The following WRAP53 variants were observed in gnomAD, a reference collection of about 807,000 sequenced individuals.
The protein encoded by WRAP53 is WD repeat containing antisense to TP53, also known as telomerase Cajal body protein 1.
Under a neutral mutation model 56.6 loss-of-function variants are expected in WRAP53, and 28 were observed. That is an observed-to-expected ratio of 0.50 (90% CI 0.37 to 0.68). The LOEUF is 0.68. Among genes scored for constraint, WRAP53 ranks in the 30% least tolerant of loss-of-function variants. The pLI, the probability that WRAP53 is intolerant of heterozygous loss-of-function variation, is 0.00. For synonymous variants in WRAP53, 283 were observed against 283.4 expected, an observed-to-expected ratio of 1.00 and a Z score of 0.01; for missense variants, 671 against 715.5, an observed-to-expected ratio of 0.94 and a Z score of 0.71.
intron 4 of WRAP53, among the ~76,000 whole-genome samples, chr17:7,695,095 C>G (rs1458559735): frequency 9.2e-5 from 14 of 151,876 alleles, no homozygotes; most frequent in Admixed American, 4.6e-4. Flanking sequence ...TGGGACTACA[C>G]GCACCCACTG....
chr17:7,688,934 C>A lies in WRAP53; in HGVS notation c.286C>A (p.Gln96Lys). ...PSELSPRIEE[Q>K]ELSENTSLPA... ...TGAGTTGAGTCCTCGAATCGAGGAGCAAGAACTTTCTGAAAATACAAGCCT... is the reference window on the plus strand; with the variant it reads ...TGAGTTGAGTCCTCGAATCGAGGAGAAAGAACTTTCTGAAAATACAAGCCT... The change falls in exon 2 of 11, where the codon CAA (glutamine) becomes AAA (lysine). Residue 96 changes from glutamine to lysine, a missense_variant. Transcript: ENST00000396463. 1 of 1,614,124 alleles carries A rather than the reference C, an allele frequency of 6.2e-7. No homozygotes were observed. Among genetic ancestry groups the A allele is most frequent in the Non-Finnish European group, 8.5e-7 (1 of 1,180,040 alleles).
In WRAP53 at chr17:7,697,870, C is replaced by CT. The variant is rs35262309; in HGVS notation, c.643-2857dup. ...CCAAGAAGATAAAGAACAATAGACA[C>CT]TTTTTTTTTTTTTTGGAGACAGGAT... On this transcript the variant is annotated intron_variant, in intron 4 of 10. Transcript: ENST00000396463. 9.1e-3 allele frequency among the ~76,000 whole-genome samples: 1,313 copies of CT among 143,728 alleles called. 11 individuals carry two copies. Among genetic ancestry groups the CT allele is most frequent in the African/African-American group, 0.014 (567 of 39,138 alleles). The allele number at this position is 143,728 out of a possible 152,430, so 94.3% of individuals were successfully genotyped here.
At chr17:7,700,205 C>T (rs1223617665) in intron 4 of WRAP53, among the ~76,000 whole-genome samples, 5 of 151,980 alleles carry the variant, frequency 3.3e-5, no homozygotes, top group African/African-American at 9.7e-5. Flanking sequence ...TCCACCACCA[C>T]GCCTGGCAAA....
In WRAP53 at chr17:7,702,959, G is replaced by A; in HGVS notation, c.1269-34G>A. 6.2e-7 allele frequency: 1 copy of A among 1,613,164 alleles called. No individual in the cohort carries two copies. Among genetic ancestry groups the A allele is most frequent in the Non-Finnish European group, 8.5e-7 (1 of 1,180,012 alleles). ...GAGGGGTTCCTGCCCCAGGGGTGAG[G>A]CCTCTGCCAGCAAATCTCTCCTCTC... is the stretch of plus-strand genomic sequence containing the variant. On this transcript the variant is annotated intron_variant, in intron 9 of 10. Coordinates refer to ENST00000396463, the MANE Select transcript of WRAP53 (RefSeq NM_001143992.2). The surrounding 1 kb of genome is among the most constrained non-coding windows in gnomAD (Gnocchi z 5.0).
At chr17:7,695,590 C>T (rs1378008928) in intron 4 of WRAP53, among the ~76,000 whole-genome samples, 3 of 152,132 alleles carry the variant, frequency 2.0e-5, no homozygotes, top group East Asian at 1.9e-4. Flanking sequence ...ATTGCTCTTT[C>T]GTCTTTGTGA....
intron 4 of WRAP53, among the ~76,000 whole-genome samples, chr17:7,694,689 C>T (rs2074159128): frequency 1.3e-5 from 2 of 151,982 alleles, no homozygotes; most frequent in African/African-American, 4.8e-5. Flanking sequence ...CTGTCTCTAT[C>T]AAAAAAGTTG....
At chr17:7,692,586 A>G (rs1229991175) in intron 4 of WRAP53, among the ~76,000 whole-genome samples, 1 of 138,546 alleles carries the variant, frequency 7.2e-6, no homozygotes, top group African/African-American at 2.7e-5. Context: ...GCACCACTGC[A>G]CTCCAGTCCA....
chr17:7,691,676 C>T (rs931879185), intron 4 of WRAP53, among the ~76,000 whole-genome samples: 5 of 152,034 alleles, frequency 3.3e-5, no homozygotes, highest in Non-Finnish European at 4.4e-5. Flanking sequence ...AGGCATGAGC[C>T]ACCGCGCCTG....
intron 4 of WRAP53, among the ~76,000 whole-genome samples, chr17:7,692,297 T>C (rs1008256065): frequency 4.0e-5 from 6 of 151,668 alleles, no homozygotes; most frequent in African/African-American, 1.5e-4. Flanking sequence ...CTGGCCAACA[T>C]GGTAAAACCC....
At position 7,702,321 on chromosome 17, in the gene WRAP53, C is replaced by A. The variant is rs376918892; in HGVS notation, c.956-23C>A. 2 of 1,613,880 alleles carry A rather than the reference C, an allele frequency of 1.2e-6. No individual in the cohort carries two copies. The highest frequency in any genetic ancestry group is 8.5e-7 in the Non-Finnish European group (1 of 1,179,788). On this transcript the variant is annotated intron_variant, in intron 7 of 10. Transcript: ENST00000396463. The surrounding 1 kb of genome is among the most constrained non-coding windows in gnomAD (Gnocchi z 5.0). ...TGCCAGGAGCCATTGCCCCCTCCCC[C>A]ACTTTGTTCCTTCCCTCTCTAGCAA...
rs548123219 is a variant in WRAP53 at position 7,701,494 on chromosome 17, T to A, written c.767T>A (p.Ile256Asn). 1.2e-6 allele frequency: 2 copies of A among 1,614,248 alleles called. No homozygotes were observed. Among genetic ancestry groups the A allele is most frequent in the East Asian group, 4.5e-5 (2 of 44,878 alleles). The change falls in exon 6 of 11, where the codon ATC (isoleucine) becomes AAC (asparagine). Residue 256 changes from isoleucine to asparagine, a missense_variant. Coordinates refer to ENST00000396463, the MANE Select transcript of WRAP53 (RefSeq NM_001143992.2). The surrounding 1 kb of genome is among the most constrained non-coding windows in gnomAD (Gnocchi z 4.2). ...AGCAGCCGGGAGAACCCGATTCATA[T>A]CTGGGACGCATTCACTGGAGAGCTC... Reference protein sequence around the residue: ...ASSSRENPIHIWDAFTGELRA... With the variant: ...ASSSRENPIHNWDAFTGELRA...
At chr17:7,694,242 CT>C (rs749740076) in intron 4 of WRAP53, among the ~76,000 whole-genome samples, 13,644 of 122,276 alleles carry the variant, frequency 0.11, 884 homozygotes, top group African/African-American at 0.34. Context: ...TTTTTTCTTT[CT>C]TTTTTTTTTT....
chr17:7,701,969 C>A lies in WRAP53; in HGVS notation c.955+180C>A. On this transcript the variant is annotated intron_variant, in intron 7 of 10. Transcript: ENST00000396463. This position sits in a 1 kb window ranked among gnomAD's most constrained non-coding sequence, Gnocchi z 4.2. Reference sequence around the variant, plus strand: ...GCTCAGAGCAGGTAGGAAACCTTCCCAAGGCCAACCAGCTGGTCAAAGGAC... The same window carrying A: ...GCTCAGAGCAGGTAGGAAACCTTCCAAAGGCCAACCAGCTGGTCAAAGGAC... The A allele has an allele frequency of 1.0e-6, 1 of 976,622 alleles. No individual in the cohort carries two copies. Among genetic ancestry groups the A allele is most frequent in the Non-Finnish European group, 1.6e-6 (1 of 636,640 alleles). The allele number at this position is 976,622 out of a possible 1,614,324, so 60.5% of individuals were successfully genotyped here.
At chr17:7,695,979 G>A (rs2074178199) in intron 4 of WRAP53, among the ~76,000 whole-genome samples, 1 of 152,154 alleles carries the variant, frequency 6.6e-6, no homozygotes, top group Admixed American at 6.6e-5. Flanking sequence ...AAGCAGTGGT[G>A]AGAGCGAGGC....
Position 7,699,516 on chromosome 17 carries a change from A to T in WRAP53, c.643-1225A>T, listed in dbSNP as rs370842932. Among the ~76,000 whole-genome samples the T allele has an allele frequency of 1.6e-4, 4 of 25,310 alleles. 1 individual carries two copies. The highest frequency in any genetic ancestry group is 1.2e-3 in the South Asian group (1 of 838). The allele number at this position is 25,310 out of a possible 152,430, so 16.6% of individuals were successfully genotyped here. A position where few individuals can be genotyped will look rare whatever the true frequency, so the allele number is the denominator to read the frequency against. On this transcript the variant is annotated intron_variant, in intron 4 of 10. Coordinates refer to ENST00000396463, the MANE Select transcript of WRAP53 (RefSeq NM_001143992.2). ...TATATATATATTTATATATATATATATATATTTATATATATATATATATTC... is the reference window on the plus strand; with the variant it reads ...TATATATATATTTATATATATATATTTATATTTATATATATATATATATTC...
intron 4 of WRAP53, among the ~76,000 whole-genome samples, chr17:7,699,437 A>T (rs1567577070): frequency 3.3e-5 from 3 of 91,166 alleles, no homozygotes; most frequent in African/African-American, 1.3e-4. Context: ...AAAAAAAAAA[A>T]ATTTATATAT....
chr17:7,699,069 A>C (rs1424407278), intron 4 of WRAP53, among the ~76,000 whole-genome samples: 1 of 151,678 alleles, frequency 6.6e-6, no homozygotes, highest in East Asian at 1.9e-4. Flanking sequence ...AAGAAAAGAA[A>C]AAATTAAGTC....
intron 4 of WRAP53, among the ~76,000 whole-genome samples, chr17:7,695,512 C>T (rs1203301582): frequency 6.6e-6 from 1 of 152,116 alleles, no homozygotes; most frequent in African/African-American, 2.4e-5. Context: ...ACTTTGCATC[C>T]TCTGTACCCT....
At chr17:7,698,265 A>G (rs1475728448) in intron 4 of WRAP53, among the ~76,000 whole-genome samples, 7 of 152,248 alleles carry the variant, frequency 4.6e-5, no homozygotes, top group Non-Finnish European at 8.8e-5. Context: ...AAAGCACACT[A>G]GCCAAAAAAC....
Sources: gnomAD v4.1 joint callset for allele counts (sites outside exome capture counted in the v4.1 genomes callset) on GRCh38, gnomAD v4.1.1 for gene constraint, Gnocchi (gnomAD v3.1) non-coding constraint, MANE v1.5 for transcripts, NCBI Gene and HGNC (gene_info 2026-07-23, HGNC 2026-07-21) for gene names.